IQCM: variants seen among roughly 807,000 people sequenced by gnomAD.
IQCM encodes IQ motif containing M.
Under a neutral mutation model 57.6 loss-of-function variants are expected in IQCM, and 45 were observed. That is an observed-to-expected ratio of 0.78 (90% CI 0.62 to 1.00). The LOEUF (loss-of-function observed/expected upper bound fraction) is 1.00, where lower values mean the gene tolerates loss of function less well. Among genes scored for constraint, IQCM ranks in the 50% least tolerant of loss-of-function variants. The pLI is 0.00. For synonymous variants in IQCM, 148 were observed against 158.9 expected, an observed-to-expected ratio of 0.93 and a Z score of 0.51; for missense variants, 468 against 511.6, an observed-to-expected ratio of 0.91 and a Z score of 0.82.
At chr4:149,473,392 C>T (rs1739804741) in intron 12 of IQCM, among the ~76,000 whole-genome samples, 2 of 152,152 alleles carry the variant, frequency 1.3e-5, no homozygotes, top group African/African-American at 4.8e-5. Flanking sequence ...CATCACTGGC[C>T]ATCAGAGAAA....
chr4:149,496,532 G>A (rs1390435861), intron 12 of IQCM, among the ~76,000 whole-genome samples: 2 of 152,078 alleles, frequency 1.3e-5, no homozygotes, highest in Non-Finnish European at 2.9e-5. Flanking sequence ...GAGAGGAAGA[G>A]ATATGAAGCT....
At chr4:149,644,886 G>A (rs917523027) in intron 7 of IQCM, among the ~76,000 whole-genome samples, 3 of 152,168 alleles carry the variant, frequency 2.0e-5, no homozygotes, top group Non-Finnish European at 4.4e-5. Flanking sequence ...CCTAAAGAGT[G>A]CAATCACTGG....
chr4:149,564,969 G>A (rs1750474622), intron 9 of IQCM, among the ~76,000 whole-genome samples: 2 of 152,058 alleles, frequency 1.3e-5, no homozygotes, highest in African/African-American at 4.8e-5. Flanking sequence ...TTCTTTATAT[G>A]TATATACCTG....
intron 13 of IQCM, among the ~76,000 whole-genome samples, chr4:149,378,084 G>A (rs553275315): frequency 6.6e-6 from 1 of 152,214 alleles, no homozygotes; most frequent in South Asian, 2.1e-4. Context: ...CTTTCACTTG[G>A]TTTTCATTCT....
chr4:149,416,758 C>A (rs879183149), intron 13 of IQCM, among the ~76,000 whole-genome samples: 1 of 152,014 alleles, frequency 6.6e-6, no homozygotes, highest in South Asian at 2.1e-4. Context: ...AGTTATAAAC[C>A]CTTCTGCCTT....
chr4:149,498,239 A>C (rs142445530), intron 12 of IQCM, among the ~76,000 whole-genome samples: 1 of 152,114 alleles, frequency 6.6e-6, no homozygotes, highest in Admixed American at 6.6e-5. Flanking sequence ...CCAAGTGATG[A>C]CCCAGCAAAA....
chr4:149,438,666 C>T lies in IQCM; in HGVS notation c.1229-5109G>A, dbSNP rs536655769. ...ACAAAGTTATCAATATGAAAAATTA[C>T]GTACTTCTTGAGCAAGGAAATGTGA... On this transcript the variant is annotated intron_variant, in intron 12 of 13. Transcript: ENST00000636793. 6.0e-4 allele frequency among the ~76,000 whole-genome samples: 91 copies of T among 152,046 alleles called. 1 individual carries two copies. The South Asian group carries it at 0.016, about 26-fold the overall frequency.
At chr4:149,458,874 C>G (rs1373201552) in intron 12 of IQCM, among the ~76,000 whole-genome samples, 2 of 152,122 alleles carry the variant, frequency 1.3e-5, no homozygotes, top group African/African-American at 4.8e-5. Context: ...CAGGATTATG[C>G]TTTACCACAG....
intron 8 of IQCM, among the ~76,000 whole-genome samples, chr4:149,617,308 G>A (rs1755882407): frequency 1.3e-5 from 2 of 152,126 alleles, no homozygotes; most frequent in Admixed American, 1.3e-4. Context: ...AGAACTTGGT[G>A]TTTGATTCCT....
intron 2 of IQCM, among the ~76,000 whole-genome samples, chr4:149,762,508 A>C (rs2149966522): frequency 6.6e-6 from 1 of 152,188 alleles, no homozygotes; most frequent in Admixed American, 6.5e-5. Flanking sequence ...TCACATTAGG[A>C]GAGCAGGCCC....
intron 5 of IQCM, among the ~76,000 whole-genome samples, chr4:149,732,405 T>G (rs1457472397): frequency 6.6e-6 from 1 of 152,188 alleles, no homozygotes; most frequent in Non-Finnish European, 1.5e-5. Flanking sequence ...AGGAGAAATC[T>G]CTTCTGGCCT....
intron 12 of IQCM, among the ~76,000 whole-genome samples, chr4:149,480,822 T>C (rs991014797): frequency 6.6e-6 from 1 of 152,210 alleles, no homozygotes; most frequent in African/African-American, 2.4e-5. Context: ...TTTTAGATTT[T>C]TGAGGAACTT....
At chr4:149,774,549 C>A (rs889090418) in intron 2 of IQCM, among the ~76,000 whole-genome samples, 3 of 152,114 alleles carry the variant, frequency 2.0e-5, no homozygotes, top group Non-Finnish European at 2.9e-5. Context: ...TTTCCGCAGG[C>A]CACGTGAATG....
At position 149,581,622 on chromosome 4, in the gene IQCM, T is replaced by C. The variant is rs561075275; in HGVS notation, c.749+6308A>G. On this transcript the variant is annotated intron_variant, in intron 9 of 13. Transcript: ENST00000636793. ...AGTATGAGTTATTGCCCTTGGGAAG[T>C]TGACCCCTAAAGCTGACATGACGGG... 1.1e-4 allele frequency among the ~76,000 whole-genome samples: 16 copies of C among 151,814 alleles called. No homozygotes were observed. The South Asian group carries it at 2.9e-3, about 28-fold the overall frequency.
intron 8 of IQCM, among the ~76,000 whole-genome samples, chr4:149,613,354 A>G (rs564606965): frequency 1.3e-5 from 2 of 152,250 alleles, no homozygotes; most frequent in East Asian, 3.9e-4. Context: ...TGACAGTACA[A>G]TTTGGTAAGG....
intron 12 of IQCM, among the ~76,000 whole-genome samples, chr4:149,501,457 G>A (rs149441873): frequency 1.3e-5 from 2 of 152,074 alleles, no homozygotes; most frequent in Non-Finnish European, 2.9e-5. Context: ...AGAAGAAACT[G>A]CAGCCATCTA....
intron 2 of IQCM, among the ~76,000 whole-genome samples, chr4:149,744,317 TAAC>T (rs1423495559): frequency 6.6e-6 from 1 of 152,218 alleles, no homozygotes; most frequent in Non-Finnish European, 1.5e-5. Flanking sequence ...CCTCAGCAAT[TAAC>T]AATCAGAACT....
At chr4:149,573,500 T>C (rs959042757) in intron 9 of IQCM, among the ~76,000 whole-genome samples, 1 of 152,102 alleles carries the variant, frequency 6.6e-6, no homozygotes, top group Admixed American at 6.6e-5. Context: ...TCTAATTTTG[T>C]TCATATTTCC....
At chr4:149,595,107 T>C (rs1322552923) in intron 8 of IQCM, among the ~76,000 whole-genome samples, 5 of 152,146 alleles carry the variant, frequency 3.3e-5, no homozygotes, top group Non-Finnish European at 7.4e-5. Context: ...CTTTTAGGTC[T>C]CTAAGGACTT....
Sources: allele counts gnomAD v4.1 joint callset (sites outside exome capture counted in the v4.1 genomes callset), GRCh38; gene constraint gnomAD v4.1.1; transcripts MANE v1.5; gene names NCBI Gene and HGNC (gene_info 2026-07-23, HGNC 2026-07-21).